LRRK2: variants seen among roughly 807,000 people sequenced by gnomAD.
LRRK2 encodes leucine-rich repeat serine/threonine-protein kinase 2.
In LRRK2, 203 loss-of-function variants were observed where a neutral mutation model predicts 302.6. The observed-to-expected ratio is 0.67, with a 90% CI of 0.60 to 0.75. The LOEUF is 0.75. LRRK2 is among the 30% of genes least tolerant of loss of function. The pLI, the probability that LRRK2 is intolerant of heterozygous loss-of-function variation, is 0.00. For synonymous variants in LRRK2, 1,066 were observed against 1,031.9 expected (o/e 1.03, Z -0.63); for missense variants, 2,830 against 2,951.0 (o/e 0.96, Z 0.95).
intron 31 of LRRK2, among the ~76,000 whole-genome samples, chr12:40,311,529 G>C (rs1945038236): frequency 6.6e-6 from 1 of 152,164 alleles, no homozygotes; most frequent in African/African-American, 2.4e-5. Flanking sequence ...CTGATAAATA[G>C]AGTCCTATTT....
chr12:40,366,692 C>T (rs546916880), intron 49 of LRRK2: 1 of 298,592 alleles, frequency 3.3e-6, no homozygotes, highest in Admixed American at 4.9e-5. Context: ...ACTTTTCACA[C>T]ACATTACCTC....
chr12:40,322,083 TA>T lies in LRRK2; in HGVS notation c.5222del (p.Asn1741IlefsTer10), dbSNP rs1215251615. 1.9e-6 allele frequency: 3 copies of T among 1,613,448 alleles called. No individual in the cohort carries two copies. Among genetic ancestry groups the T allele is most frequent in the Non-Finnish European group, 2.5e-6 (3 of 1,179,570 alleles). On this transcript the variant is annotated frameshift_variant, in exon 36 of 51. Transcript: ENST00000298910. LOFTEE classifies it high-confidence loss of function. ...NRMYWRQGIYLNWSPEAYCLV... is the reference protein window; with the variant it reads ...NRMYWRQGIYXNWSPEAYCLV... ...ATGTATTGGCGACAAGGCATTTACT[TA>T]AATTGGTCTCCTGAAGCTTATTGTC...
chr12:40,232,705 A>C (rs1941257216), intron 3 of LRRK2: 3 of 202,086 alleles, frequency 1.5e-5, no homozygotes, highest in Non-Finnish European at 3.0e-5. Context: ...GGCTTTTAAT[A>C]ATAGAATCGA....
chr12:40,243,663 C>A lies in LRRK2; in HGVS notation c.820C>A (p.Leu274Ile), dbSNP rs1404500869. 2 of 1,611,590 alleles carry A rather than the reference C, an allele frequency of 1.2e-6. No homozygotes were observed. Among genetic ancestry groups the A allele is most frequent in the African/African-American group, 2.7e-5 (2 of 74,912 alleles). ...ERIQEVSCCL[L>I]HRLTLGNFFN... is the part of the protein sequence containing the mutation. ...AATTCAAGAAGTGAGTTGCTGTTTG[C>A]TCCATAGGCTTACATTAGGTGAGTT... is the stretch of plus-strand genomic sequence containing the variant. Residue 274 changes from leucine to isoleucine, a missense_variant, in exon 7 of 51, where the codon CTC (leucine) becomes ATC (isoleucine). Coordinates refer to ENST00000298910, the MANE Select transcript of LRRK2 (RefSeq NM_198578.4).
chr12:40,327,878 A>C (rs1565754999), intron 38 of LRRK2, among the ~76,000 whole-genome samples: 3 of 152,218 alleles, frequency 2.0e-5, no homozygotes, highest in East Asian at 3.9e-4. Context: ...TTTTAACTCC[A>C]GAAGGGCCTC....
chr12:40,245,672 T>C (rs1000594043), intron 7 of LRRK2, among the ~76,000 whole-genome samples: 1 of 152,168 alleles, frequency 6.6e-6, no homozygotes, highest in African/African-American at 2.4e-5. Flanking sequence ...ATTTCTTCTA[T>C]ACATGTCTTG....
chr12:40,342,242 T>A (rs760144389), intron 41 of LRRK2, among the ~76,000 whole-genome samples: 2 of 152,222 alleles, frequency 1.3e-5, no homozygotes, highest in Non-Finnish European at 2.9e-5. Flanking sequence ...TCACCTTGGT[T>A]CAGACTCATG....
Position 40,287,358 on chromosome 12 carries a change from A to T in LRRK2, c.2508A>T (p.Ala836=), listed in dbSNP as rs148920013. 6.2e-7 allele frequency: 1 copy of T among 1,611,988 alleles called. No homozygotes were observed. The highest frequency in any genetic ancestry group is 2.2e-5 in the East Asian group (1 of 44,826). ...TSNLRKQTNI[A]STLARMVIRY... ...TGTATCTCTTATTTTCAGATATAGC[A>T]TCTACACTAGCAAGAATGGTGATCA... The change falls in exon 20 of 51, where the codon GCA becomes GCT. Residue 836 remains alanine (A), a synonymous_variant. Coordinates refer to ENST00000298910, the MANE Select transcript of LRRK2 (RefSeq NM_198578.4).
Position 40,359,488 on chromosome 12 carries a change from T to C in LRRK2, c.7028+44T>C, listed in dbSNP as rs185725810. 8.5e-5 allele frequency: 132 copies of C among 1,560,780 alleles called. No individual in the cohort carries two copies. In the African/African-American group the frequency reaches 1.5e-3, roughly 18 times the overall value. On this transcript the variant is annotated intron_variant, in intron 47 of 50. Transcript: ENST00000298910. ...GTACAAGTAATTTATCATTATACTT[T>C]TGTTTTTTCCTTATAATCATTAATA... is the stretch of plus-strand genomic sequence containing the variant.
chr12:40,309,213 C>T lies in LRRK2; in HGVS notation c.4297C>T (p.Pro1433Ser), dbSNP rs1309698515. 1 of 1,613,642 alleles carries T rather than the reference C, an allele frequency of 6.2e-7. No individual in the cohort carries two copies. Among genetic ancestry groups the T allele is most frequent in the East Asian group, 2.2e-5 (1 of 44,860 alleles). Residue 1433 changes from proline to serine, a missense_variant, in exon 30 of 51, where the codon CCT (proline) becomes TCT (serine). Pro to Ser is a moderately conservative substitution (Grantham distance 74). Transcript: ENST00000298910. ...KGQAEVDAMK[P>S]WLFNIKARAS... ...ACAGGCTGAAGTTGATGCCATGAAG[C>T]CTTGGCTCTTCAATATAAAGGTGAT...
In LRRK2 at chr12:40,295,635, G is replaced by A; in HGVS notation, c.3087G>A (p.Gln1029=). 1 of 1,613,418 alleles carries A rather than the reference G, an allele frequency of 6.2e-7. No individual in the cohort carries two copies. Among genetic ancestry groups the A allele is most frequent in the Non-Finnish European group, 8.5e-7 (1 of 1,179,606 alleles). The stretch of plus-strand genomic sequence containing the variant: ...ATGCACTCACGAGCTTTCCACAACA[G>A]CTATGTGAAGTAAATTTAATTTATC... ...HQNALTSFPQ[Q]LCETLKSLTH... The change falls in exon 23 of 51, where the codon CAG becomes CAA. Residue 1029 remains glutamine, a synonymous_variant. Transcript: ENST00000298910.
intron 33 of LRRK2, 69 bp downstream of exon 33, chr12:40,315,369 T>A: frequency 7.7e-7 from 1 of 1,299,280 alleles, no homozygotes; most frequent in South Asian, 1.2e-5. Flanking sequence ...GCCCAGAGCA[T>A]TGAGCATTTT....
At chr12:40,256,427 CAG>C (rs1235221418) in intron 11 of LRRK2, among the ~76,000 whole-genome samples, 3 of 152,034 alleles carry the variant, frequency 2.0e-5, no homozygotes, top group Non-Finnish European at 4.4e-5. Context: ...GCCTTGGCAA[CAG>C]AGAGAGATGC....
At chr12:40,309,529 A>T (rs1944965160) in intron 30 of LRRK2, among the ~76,000 whole-genome samples, 1 of 152,146 alleles carries the variant, frequency 6.6e-6, no homozygotes, top group African/African-American at 2.4e-5. Context: ...TTCTTAAATG[A>T]AATCTAAATT....
Position 40,294,850 on chromosome 12 carries a change from C to T in LRRK2, c.2814C>T (p.Pro938=). ...TATAAATTATTTTTTAATAGGGGCCCATTTTTGATCATGAAGATTTACTGA... is the reference window on the plus strand; with the variant it reads ...TATAAATTATTTTTTAATAGGGGCCTATTTTTGATCATGAAGATTTACTGA... ...NLQRHSNSLG[P]IFDHEDLLKR... Residue 938 remains proline, a synonymous_variant, in exon 22 of 51, where the codon CCC becomes CCT. Transcript: ENST00000298910. 6.6e-7 allele frequency: 1 copy of T among 1,524,430 alleles called. No homozygotes were observed. Among genetic ancestry groups the T allele is most frequent in the South Asian group, 1.2e-5 (1 of 86,738 alleles). 94.4% of individuals were successfully genotyped at this position (1,524,430 alleles called of 1,614,324 possible).
At position 40,298,844 on chromosome 12, in the gene LRRK2, T is replaced by A. The variant is rs10878335; in HGVS notation, c.3348-265T>A. 4.2e-3 allele frequency among the ~76,000 whole-genome samples: 413 copies of A among 98,102 alleles called. 1 individual carries two copies. Among genetic ancestry groups the A allele is most frequent in the African/African-American group, 5.5e-3 (143 of 26,234 alleles). 64.4% of individuals were successfully genotyped at this position (98,102 alleles called of 152,430 possible). A position where few individuals can be genotyped will look rare whatever the true frequency, so the allele number is the denominator to read the frequency against. ...TAATACATATATTATATATATTTAT[T>A]ATATATAATACCTATATATTATATA... On this transcript the variant is annotated intron_variant, in intron 24 of 50. Transcript: ENST00000298910.
chr12:40,350,262 G>A (rs368653972), intron 43 of LRRK2, among the ~76,000 whole-genome samples: 1 of 152,154 alleles, frequency 6.6e-6, no homozygotes, highest in East Asian at 1.9e-4. Flanking sequence ...GCCCCACAAA[G>A]CATCCAAGAG....
intron 21 of LRRK2, 120 bp from the exon 22 acceptor site, chr12:40,294,725 A>G (rs551637927): frequency 4.5e-5 from 26 of 577,396 alleles, no homozygotes; most frequent in African/African-American, 4.3e-4. Context: ...TTACTTGCCT[A>G]TTTTTTCCCA....
intron 12 of LRRK2, among the ~76,000 whole-genome samples, chr12:40,257,956 G>A (rs1188080604): frequency 6.6e-6 from 1 of 151,946 alleles, no homozygotes; most frequent in African/African-American, 2.4e-5. Context: ...GGGGTGGTAG[G>A]TGTGGGCAGA....
Sources: allele counts gnomAD v4.1 joint callset (sites outside exome capture counted in the v4.1 genomes callset), GRCh38; gene constraint gnomAD v4.1.1; transcripts MANE v1.5; gene names NCBI Gene and HGNC (gene_info 2026-07-23, HGNC 2026-07-21).